Variants in DBX2 observed in about 807,000 individuals in gnomAD.
DBX2 encodes the protein developing brain homeobox 2, also known as homeobox protein DBX2.
Under a neutral mutation model 17.7 loss-of-function variants are expected in DBX2, and 16 were observed. That is an observed-to-expected ratio of 0.90 (90% CI 0.61 to 1.37). The LOEUF is 1.37. DBX2 is among the 40% of genes most tolerant of loss of function. The pLI is 0.00. For synonymous variants in DBX2, 255 were observed against 183.8 expected, an observed-to-expected ratio of 1.39 and a Z score of -3.13; for missense variants, 538 against 433.8, an observed-to-expected ratio of 1.24 and a Z score of -2.13.
Position 45,035,675 on chromosome 12 carries a change from C to T in DBX2, c.499+344G>A, listed in dbSNP as rs113802801. On this transcript the variant is annotated intron_variant, in intron 2 of 3. Transcript: ENST00000332700. ...GGAAATTTTACACAGCACAATTTTTCGCCTTCCTTCCTTTCCTTTTTCCTC... is the reference window on the plus strand; with the variant it reads ...GGAAATTTTACACAGCACAATTTTTTGCCTTCCTTCCTTTCCTTTTTCCTC... Among the ~76,000 whole-genome samples, 754 of 152,212 alleles carry T rather than the reference C, an allele frequency of 5.0e-3. 6 individuals carry two copies. The highest frequency in any genetic ancestry group is 0.017 in the African/African-American group (706 of 41,530).
rs370346774 is a variant in DBX2, at chr12:45,026,525, G to A, written c.500-2631C>T. Among the ~76,000 whole-genome samples the A allele has an allele frequency of 7.8e-4, 119 of 152,288 alleles. 2 individuals are homozygous for A. The South Asian group carries it at 0.024, about 31-fold the overall frequency. Reference sequence around the variant, plus strand: ...AGGTCACAAAGCTAGGGTAAAGCTAGGGTTTCAAACCCAGGAGACAGATAC... The same window carrying A: ...AGGTCACAAAGCTAGGGTAAAGCTAAGGTTTCAAACCCAGGAGACAGATAC... On this transcript the variant is annotated intron_variant, in intron 2 of 3. Coordinates refer to ENST00000332700, the MANE Select transcript of DBX2 (RefSeq NM_001004329.3).
At chr12:45,028,404 CT>C (rs111532630) in intron 2 of DBX2, among the ~76,000 whole-genome samples, 6,045 of 151,822 alleles carry the variant, frequency 0.04, 402 homozygotes, top group African/African-American at 0.14. Flanking sequence ...AATATGTACC[CT>C]TTTTTTTCTA....
intron 2 of DBX2, among the ~76,000 whole-genome samples, chr12:45,029,874 T>TAAAAAA (rs80164167): frequency 0.017 from 1,498 of 87,050 alleles, 5 homozygotes; most frequent in Non-Finnish European, 0.025. Context: ...AAAAAAAAAA[T>TAAAAAA]AATAAAAATA....
intron 1 of DBX2, among the ~76,000 whole-genome samples, chr12:45,039,356 T>C (rs1189676707): frequency 1.4e-5 from 2 of 146,870 alleles, no homozygotes; most frequent in Non-Finnish European, 3.0e-5. Context: ...AACCATATAC[T>C]TTTTTTAAGT....
In DBX2 at chr12:45,016,996, G is replaced by A. The variant is rs1350192366; in HGVS notation, c.688-378C>T. Among the ~76,000 whole-genome samples the A allele has an allele frequency of 5.9e-5, 9 of 152,044 alleles. No homozygotes were observed. In the East Asian group the frequency reaches 1.4e-3, roughly 23 times the overall value. ...AGACAGGGTTTCATCATGTTGCCCA[G>A]GCTGGTCTTGAACTCCTGAGCTCAA... On this transcript the variant is annotated intron_variant, in intron 3 of 3. Transcript: ENST00000332700.
At position 45,033,385 on chromosome 12, in the gene DBX2, C is replaced by T. The variant is rs111990577; in HGVS notation, c.499+2634G>A. ...GAAACTTAATGCAAGTTTATTTGGA[C>T]AGTACATTTTCCTTTGCTTGTACAA... On this transcript the variant is annotated intron_variant, in intron 2 of 3. Transcript: ENST00000332700. Among the ~76,000 whole-genome samples the T allele has an allele frequency of 4.9e-3, 750 of 152,170 alleles. 6 individuals carry two copies. Among genetic ancestry groups the T allele is most frequent in the African/African-American group, 0.017 (705 of 41,530 alleles).
intron 1 of DBX2, among the ~76,000 whole-genome samples, chr12:45,046,605 T>G (rs576458689): frequency 6.6e-6 from 1 of 152,350 alleles, no homozygotes; most frequent in South Asian, 2.1e-4. Context: ...CTCCCTTGCG[T>G]AGGTGCCTAA....
intron 2 of DBX2, among the ~76,000 whole-genome samples, chr12:45,030,489 A>C (rs969660146): frequency 1.3e-5 from 2 of 152,184 alleles, no homozygotes; most frequent in African/African-American, 2.4e-5. Context: ...AAGCTCTATA[A>C]AGGCTTCTGG....
chr12:45,042,456 A>G (rs1011228949), intron 1 of DBX2, among the ~76,000 whole-genome samples: 5 of 152,196 alleles, frequency 3.3e-5, no homozygotes, highest in Non-Finnish European at 5.9e-5. Context: ...GGGACAAAGG[A>G]AAAGAGGCAA....
chr12:45,017,830 C>A (rs1225616499), intron 3 of DBX2, among the ~76,000 whole-genome samples: 1 of 152,104 alleles, frequency 6.6e-6, no homozygotes, highest in African/African-American at 2.4e-5. Flanking sequence ...GCATCACATC[C>A]TTACACTAAC....
chr12:45,037,570 T>G (rs905488891), intron 1 of DBX2, among the ~76,000 whole-genome samples: 3 of 152,172 alleles, frequency 2.0e-5, no homozygotes, highest in African/African-American at 7.2e-5. Flanking sequence ...TTCTTTCATA[T>G]TCAAGGGACA....
intron 1 of DBX2, among the ~76,000 whole-genome samples, chr12:45,047,723 T>C (rs866161219): frequency 1.3e-5 from 2 of 152,186 alleles, no homozygotes; most frequent in African/African-American, 2.4e-5. Context: ...GGTGATCCAA[T>C]TGGCCCTCAT....
At chr12:45,040,234 C>A (rs994451773) in intron 1 of DBX2, among the ~76,000 whole-genome samples, 4 of 152,148 alleles carry the variant, frequency 2.6e-5, no homozygotes, top group Admixed American at 2.6e-4. Flanking sequence ...CTACATCTTT[C>A]TCCCGTGCTT....
chr12:45,042,733 G>A (rs1162646314), intron 1 of DBX2, among the ~76,000 whole-genome samples: 1 of 152,218 alleles, frequency 6.6e-6, no homozygotes, highest in African/African-American at 2.4e-5. Flanking sequence ...GAATAAAGAA[G>A]GGCCAAAGGG....
At chr12:45,036,329 T>C (rs1015198857) in intron 1 of DBX2, among the ~76,000 whole-genome samples, 2 of 152,200 alleles carry the variant, frequency 1.3e-5, no homozygotes, top group Admixed American at 6.5e-5. Context: ...AAAGAGACTA[T>C]GAAACACCAA....
chr12:45,031,012 T>C (rs529913888), intron 2 of DBX2, among the ~76,000 whole-genome samples: 2 of 152,252 alleles, frequency 1.3e-5, no homozygotes, highest in South Asian at 2.1e-4. Context: ...AAGTAGCTCA[T>C]TTCAAACCTT....
chr12:45,039,317 ATATATG>A lies in DBX2; in HGVS notation c.404-3209_404-3204del, dbSNP rs1229915764. 1.8e-4 allele frequency among the ~76,000 whole-genome samples: 20 copies of A among 108,152 alleles called. 1 individual carries two copies. The East Asian group carries it at 2.2e-3, about 12-fold the overall frequency. The allele number at this position is 108,152 out of a possible 152,430, so 71.0% of individuals were successfully genotyped here. A position where few individuals can be genotyped will look rare whatever the true frequency, so the allele number is the denominator to read the frequency against. On this transcript the variant is annotated intron_variant, in intron 1 of 3. Coordinates refer to ENST00000332700, the MANE Select transcript of DBX2 (RefSeq NM_001004329.3). ...TATATATATATATATATATATATAT[ATATATG>A]TATCACACTTTTAACTTTAGTGAAC...
chr12:45,041,181 ATAAT>A (rs930479650), intron 1 of DBX2, among the ~76,000 whole-genome samples: 17 of 148,386 alleles, frequency 1.1e-4, no homozygotes, highest in Admixed American at 7.4e-4. Flanking sequence ...TAACTAAATA[ATAAT>A]TAATAAATAA....
At chr12:45,018,996 A>G (rs1946337491) in intron 3 of DBX2, among the ~76,000 whole-genome samples, 4 of 152,000 alleles carry the variant, frequency 2.6e-5, no homozygotes, top group African/African-American at 7.2e-5. Flanking sequence ...GGAGGGGGAA[A>G]TGGTGAGTTA....
Sources: allele counts gnomAD v4.1 joint callset (sites outside exome capture counted in the v4.1 genomes callset), GRCh38; gene constraint gnomAD v4.1.1; transcripts MANE v1.5; gene names NCBI Gene and HGNC (gene_info 2026-07-23, HGNC 2026-07-21).